GPC6: variants seen among roughly 807,000 people sequenced by gnomAD.
GPC6 encodes glypican-6.
Under a neutral mutation model 55.2 loss-of-function variants are expected in GPC6, and 14 were observed. The ratio of observed to expected loss-of-function variants is 0.25; its 90% CI spans 0.17 to 0.40. GPC6 has a LOEUF of 0.40. GPC6 is among the 10% of genes least tolerant of loss of function. GPC6 has a pLI of 1.00. For synonymous variants in GPC6, 278 were observed against 259.6 expected (o/e 1.07, Z -0.68); for missense variants, 641 against 708.5 (o/e 0.90, Z 1.08).
intron 4 of GPC6, among the ~76,000 whole-genome samples, chr13:94,209,877 G>A (rs1458702063): frequency 1.3e-5 from 2 of 151,878 alleles, no homozygotes; most frequent in Admixed American, 6.6e-5. Flanking sequence ...AAGGGGTCCT[G>A]CTCTGTCAAC....
chr13:93,342,272 C>T (rs1470123690), intron 1 of GPC6, among the ~76,000 whole-genome samples: 1 of 152,074 alleles, frequency 6.6e-6, no homozygotes, highest in Non-Finnish European at 1.5e-5. Context: ...CATTTTTATA[C>T]TGCTATGAAG....
chr13:94,166,313 C>G (rs960244306), intron 4 of GPC6, among the ~76,000 whole-genome samples: 1 of 152,132 alleles, frequency 6.6e-6, no homozygotes, highest in Admixed American at 6.5e-5. Flanking sequence ...AAAAAATGTT[C>G]GTATTGTAAG....
intron 6 of GPC6, among the ~76,000 whole-genome samples, chr13:94,353,127 T>G (rs1305469570): frequency 6.6e-6 from 1 of 152,244 alleles, no homozygotes; most frequent in East Asian, 1.9e-4. Context: ...AGATACGACT[T>G]ACAAGGAAGG....
intron 1 of GPC6, among the ~76,000 whole-genome samples, chr13:93,509,992 A>G (rs1203100025): frequency 1.3e-5 from 2 of 152,134 alleles, no homozygotes; most frequent in African/African-American, 4.8e-5. Flanking sequence ...TGAGAAGGTA[A>G]TTTATACTTT....
At chr13:93,648,171 A>T (rs1594340189) in intron 2 of GPC6, among the ~76,000 whole-genome samples, 1 of 152,084 alleles carries the variant, frequency 6.6e-6, no homozygotes, top group African/African-American at 2.4e-5. Flanking sequence ...TGCTAATTGG[A>T]TGATTTCCCT....
At chr13:93,324,925 A>G (rs1263898150) in intron 1 of GPC6, among the ~76,000 whole-genome samples, 1 of 152,076 alleles carries the variant, frequency 6.6e-6, no homozygotes, top group Non-Finnish European at 1.5e-5. Context: ...GTAGGAATCA[A>G]AAGTGTTTTT....
chr13:93,787,718 A>G (rs369758313), intron 2 of GPC6, among the ~76,000 whole-genome samples: 1 of 152,204 alleles, frequency 6.6e-6, no homozygotes, highest in East Asian at 1.9e-4. Context: ...TTTTAAATAT[A>G]CACTACATTA....
At chr13:93,761,048 T>C (rs1884937121) in intron 2 of GPC6, among the ~76,000 whole-genome samples, 1 of 152,210 alleles carries the variant, frequency 6.6e-6, no homozygotes, top group Non-Finnish European at 1.5e-5. Context: ...TTTGTAAAGT[T>C]AAAGAAAAGT....
At chr13:94,044,372 C>T (rs773330639) in intron 4 of GPC6, among the ~76,000 whole-genome samples, 10 of 151,700 alleles carry the variant, frequency 6.6e-5, no homozygotes, top group African/African-American at 1.2e-4. Flanking sequence ...TATTTCTATC[C>T]TACAGCTCAA....
chr13:94,403,583 T>A lies in GPC6; in HGVS notation c.*366T>A, dbSNP rs899315795. On this transcript the variant is annotated 3_prime_UTR_variant, in exon 9 of 9. Transcript: ENST00000377047. Reference sequence around the variant, plus strand: ...TAAAATAAAAAAGGAAGAAAGAAAATAATTTTCCTTGTAAAATCGGGCCAA... The same window carrying A: ...TAAAATAAAAAAGGAAGAAAGAAAAAAATTTTCCTTGTAAAATCGGGCCAA... 1.1e-5 allele frequency: 3 copies of A among 279,078 alleles called. No individual in the cohort carries two copies. Among genetic ancestry groups the A allele is most frequent in the African/African-American group, 6.6e-5 (3 of 45,342 alleles). The allele number at this position is 279,078 out of a possible 1,614,324, so 17.3% of individuals were successfully genotyped here. A position where few individuals can be genotyped will look rare whatever the true frequency, so the allele number is the denominator to read the frequency against.
intron 1 of GPC6, among the ~76,000 whole-genome samples, chr13:93,372,880 A>T (rs1269290955): frequency 6.6e-6 from 1 of 152,182 alleles, no homozygotes; most frequent in African/African-American, 2.4e-5. Flanking sequence ...AGGACACACT[A>T]AACAACTGTG....
At chr13:94,175,995 G>C (rs1424700181) in intron 4 of GPC6, among the ~76,000 whole-genome samples, 2 of 148,862 alleles carry the variant, frequency 1.3e-5, no homozygotes, top group Admixed American at 1.3e-4. Flanking sequence ...GAGAGAGAGC[G>C]AGCTTGTCCA....
chr13:93,524,022 G>A (rs913312057), intron 1 of GPC6, among the ~76,000 whole-genome samples: 1 of 151,918 alleles, frequency 6.6e-6, no homozygotes, highest in Admixed American at 6.6e-5. Flanking sequence ...AGAGAGGGGG[G>A]AAAGTCATGT....
At chr13:93,499,205 A>G (rs1277783387) in intron 1 of GPC6, among the ~76,000 whole-genome samples, 1 of 152,128 alleles carries the variant, frequency 6.6e-6, no homozygotes, top group East Asian at 1.9e-4. Context: ...CTGACTATCC[A>G]TGTGGTTCTT....
chr13:94,237,233 C>T (rs1171676439), intron 4 of GPC6, among the ~76,000 whole-genome samples: 1 of 152,060 alleles, frequency 6.6e-6, no homozygotes, highest in African/African-American at 2.4e-5. Context: ...GGAAAAAGAA[C>T]CCAATGAATG....
At chr13:93,736,761 TA>T (rs2138843361) in intron 2 of GPC6, among the ~76,000 whole-genome samples, 1 of 152,330 alleles carries the variant, frequency 6.6e-6, no homozygotes, top group African/African-American at 2.4e-5. Context: ...GTGTTTATGG[TA>T]AGAATTTTGA....
At chr13:93,720,954 C>A (rs537757669) in intron 2 of GPC6, among the ~76,000 whole-genome samples, 5 of 152,054 alleles carry the variant, frequency 3.3e-5, no homozygotes, top group Admixed American at 3.3e-4. Flanking sequence ...CATTCTTCTG[C>A]ATTTGCTGAG....
intron 2 of GPC6, among the ~76,000 whole-genome samples, chr13:93,646,456 GT>G (rs1459199776): frequency 6.6e-6 from 1 of 152,040 alleles, no homozygotes; most frequent in Non-Finnish European, 1.5e-5. Context: ...CCAGAAATCT[GT>G]TCCGTAATGA....
intron 1 of GPC6, among the ~76,000 whole-genome samples, chr13:93,256,774 A>T (rs1281194956): frequency 6.6e-6 from 1 of 152,152 alleles, no homozygotes; most frequent in Non-Finnish European, 1.5e-5. Context: ...TATGGAGCAC[A>T]TGAACTTGGC....
Sources: gnomAD v4.1 joint callset for allele counts (sites outside exome capture counted in the v4.1 genomes callset) on GRCh38, gnomAD v4.1.1 for gene constraint, MANE v1.5 for transcripts, NCBI Gene and HGNC (gene_info 2026-07-23, HGNC 2026-07-21) for gene names.